Variants in A1CF observed in about 807,000 individuals in gnomAD.
The protein encoded by A1CF is APOBEC1 complementation factor.
A neutral mutation model predicts 68.9 loss-of-function variants in A1CF; 48 were observed. The ratio of observed to expected loss-of-function variants is 0.70; its 90% CI spans 0.55 to 0.89. The LOEUF is 0.89. Ranked by LOEUF, A1CF falls within the 40% of genes least tolerant of loss-of-function variation. The pLI is 0.00. For synonymous variants in A1CF, 272 were observed against 260.4 expected, an observed-to-expected ratio of 1.04 and a Z score of -0.43; for missense variants, 653 against 718.9, an observed-to-expected ratio of 0.91 and a Z score of 1.05.
Position 50,811,180 on chromosome 10 carries a change from C to T in A1CF, c.1324-4G>A, listed in dbSNP as rs1193554057. 8 of 1,599,032 alleles carry T rather than the reference C, an allele frequency of 5.0e-6. No individual in the cohort carries two copies. The highest frequency in any genetic ancestry group is 1.3e-5 in the African/African-American group (1 of 74,296). On this transcript the variant is annotated splice_region_variant and splice_polypyrimidine_tract_variant and intron_variant, in intron 10 of 12. Transcript: ENST00000373997. ...TCTGACAAATCTCTTCTAATATCTA[C>T]AAGAATAAAAAAAGTTATTTCCCCC...
At chr10:50,862,004 G>A (rs935676855) in intron 2 of A1CF, among the ~76,000 whole-genome samples, 3 of 150,984 alleles carry the variant, frequency 2.0e-5, no homozygotes, top group Non-Finnish European at 3.0e-5. Flanking sequence ...AATAGCAATG[G>A]GTATTCTACT....
intron 3 of A1CF, among the ~76,000 whole-genome samples, chr10:50,854,270 A>G (rs1840380119): frequency 1.3e-5 from 2 of 152,054 alleles, no homozygotes; most frequent in African/African-American, 2.4e-5. Flanking sequence ...ATAATTTTTT[A>G]AAATATTCTT....
rs541101547 is a variant in A1CF, at chr10:50,839,479, T to G, written c.365+2383A>C. Among the ~76,000 whole-genome samples, 13 of 152,310 alleles carry G rather than the reference T, an allele frequency of 8.5e-5. No individual in the cohort carries two copies. The South Asian group carries it at 2.7e-3, about 32-fold the overall frequency. On this transcript the variant is annotated intron_variant, in intron 5 of 12. Coordinates refer to ENST00000373997, the MANE Select transcript of A1CF (RefSeq NM_014576.4). ...GTGAATGCTCAGAACATCTCTGTGT[T>G]TAGGTGCCAATGATAAAAGTGATGC...
Position 50,828,153 on chromosome 10 carries a change from CT to C in A1CF, c.746del (p.Lys249ArgfsTer14). 1 of 1,587,528 alleles carries C rather than the reference CT, an allele frequency of 6.3e-7. No individual in the cohort carries two copies. Among genetic ancestry groups the C allele is most frequent in the Non-Finnish European group, 8.6e-7 (1 of 1,162,554 alleles). On this transcript the variant is annotated frameshift_variant, in exon 7 of 13. Coordinates refer to ENST00000373997, the MANE Select transcript of A1CF (RefSeq NM_014576.4). LOFTEE classifies it high-confidence loss of function. ...MLSTSEEMIE[K>X]EFNNIKPGAV... ...TACCTGGTTTGATATTGTTGAATTC[CT>C]TTTCAATCATCTCTTCAGAGGTAGA...
intron 11 of A1CF, among the ~76,000 whole-genome samples, chr10:50,810,356 G>A (rs117811088): frequency 1.3e-5 from 2 of 152,144 alleles, no homozygotes; most frequent in East Asian, 1.9e-4. Flanking sequence ...AATTCAGGAG[G>A]TGATATCCAC....
At position 50,840,299 on chromosome 10, in the gene A1CF, C is replaced by T. The variant is rs960391141; in HGVS notation, c.365+1563G>A. Among the ~76,000 whole-genome samples the T allele has an allele frequency of 2.7e-4, 39 of 146,232 alleles. No individual in the cohort carries two copies. In the East Asian group the frequency reaches 4.3e-3, roughly 16 times the overall value. ...CAATTTTTTTTTTTTTATCATTTGT[C>T]GGCTTATCACTGTGTTCCAAACACT... On this transcript the variant is annotated intron_variant, in intron 5 of 12. Coordinates refer to ENST00000373997, the MANE Select transcript of A1CF (RefSeq NM_014576.4).
chr10:50,856,764 G>T lies in A1CF; in HGVS notation c.99+3078C>A, dbSNP rs183317498. On this transcript the variant is annotated intron_variant, in intron 3 of 12. Coordinates refer to ENST00000373997, the MANE Select transcript of A1CF (RefSeq NM_014576.4). ...TGAGTTAATATACACAAAGCAGATA[G>T]AATATTTTTTGTTATTATTATTATT... 1.6e-3 allele frequency among the ~76,000 whole-genome samples: 243 copies of T among 152,126 alleles called. 1 individual carries two copies. Among genetic ancestry groups the T allele is most frequent in the African/African-American group, 5.5e-3 (227 of 41,548 alleles).
chr10:50,856,266 G>T (rs1161149547), intron 3 of A1CF, among the ~76,000 whole-genome samples: 1 of 152,036 alleles, frequency 6.6e-6, no homozygotes, highest in Non-Finnish European at 1.5e-5. Context: ...GACTAGATTA[G>T]ATTACAGGCC....
intron 1 of A1CF, among the ~76,000 whole-genome samples, chr10:50,866,380 C>T (rs1007151393): frequency 2.6e-5 from 4 of 152,126 alleles, no homozygotes; most frequent in African/African-American, 9.7e-5. Context: ...AAGACTTCTG[C>T]CTTCTTGAGA....
intron 1 of A1CF, among the ~76,000 whole-genome samples, chr10:50,883,914 A>T (rs1841890579): frequency 6.6e-6 from 1 of 152,318 alleles, no homozygotes; most frequent in South Asian, 2.1e-4. Context: ...TTTCCCATTT[A>T]TAAACTGTTA....
intron 8 of A1CF, among the ~76,000 whole-genome samples, chr10:50,819,436 A>G (rs1838533071): frequency 6.6e-6 from 1 of 152,004 alleles, no homozygotes; most frequent in African/African-American, 2.4e-5. Context: ...TCTTGCAAAG[A>G]GATCTGCTCT....
chr10:50,885,342 TA>T (rs1316615128), intron 1 of A1CF, among the ~76,000 whole-genome samples: 2 of 152,212 alleles, frequency 1.3e-5, no homozygotes, highest in African/African-American at 4.8e-5. Context: ...CCCTCCGTGG[TA>T]AGTCTACAGA....
intron 1 of A1CF, among the ~76,000 whole-genome samples, chr10:50,878,572 G>A (rs1326493452): frequency 6.6e-6 from 1 of 152,166 alleles, no homozygotes; most frequent in African/African-American, 2.4e-5. Flanking sequence ...ACTCTGCTAT[G>A]CCAACATCAC....
intron 3 of A1CF, among the ~76,000 whole-genome samples, chr10:50,853,831 A>G (rs1840360198): frequency 6.6e-6 from 1 of 151,976 alleles, no homozygotes; most frequent in African/African-American, 2.4e-5. Flanking sequence ...TGTAAAAAAA[A>G]AATCATATCT....
At chr10:50,830,539 T>C (rs1386595707) in intron 6 of A1CF, among the ~76,000 whole-genome samples, 1 of 152,036 alleles carries the variant, frequency 6.6e-6, no homozygotes, top group Non-Finnish European at 1.5e-5. Flanking sequence ...CCCCCAAAAA[T>C]ACTTAGAAAT....
intron 3 of A1CF, among the ~76,000 whole-genome samples, chr10:50,845,057 A>G (rs940577148): frequency 2.0e-5 from 3 of 152,208 alleles, no homozygotes; most frequent in Admixed American, 6.5e-5. Flanking sequence ...AATTCATACC[A>G]CGTTTTTTAA....
chr10:50,883,191 A>T (rs1841860762), intron 1 of A1CF, among the ~76,000 whole-genome samples: 2 of 152,088 alleles, frequency 1.3e-5, no homozygotes, highest in Non-Finnish European at 2.9e-5. Flanking sequence ...ATTTTAGAAA[A>T]TTTTTCTGGA....
At chr10:50,876,942 C>T (rs906564369) in intron 1 of A1CF, among the ~76,000 whole-genome samples, 3 of 152,236 alleles carry the variant, frequency 2.0e-5, no homozygotes, top group African/African-American at 4.8e-5. Flanking sequence ...AATACATACA[C>T]GTAACTCTGT....
chr10:50,873,339 A>G (rs979082870), intron 1 of A1CF, among the ~76,000 whole-genome samples: 3 of 152,092 alleles, frequency 2.0e-5, no homozygotes, highest in Non-Finnish European at 4.4e-5. Context: ...AGAAGAAATT[A>G]TCTATAGACC....
Sources: allele counts gnomAD v4.1 joint callset (sites outside exome capture counted in the v4.1 genomes callset), GRCh38; gene constraint gnomAD v4.1.1; transcripts MANE v1.5; gene names NCBI Gene and HGNC (gene_info 2026-07-23, HGNC 2026-07-21).